The following CEP57 variants were observed in gnomAD, a reference collection of about 807,000 sequenced individuals.
CEP57 encodes the protein centrosomal protein 57, also known as centrosomal protein of 57 kDa.
A neutral mutation model predicts 68.0 loss-of-function variants in CEP57; 40 were observed. The observed-to-expected ratio is 0.59, with a 90% CI of 0.46 to 0.77. CEP57 has a LOEUF of 0.77. Ranked by LOEUF, CEP57 falls within the 30% of genes least tolerant of loss-of-function variation. CEP57 has a pLI of 0.00. For synonymous variants in CEP57, 219 were observed against 198.7 expected, an observed-to-expected ratio of 1.10 and a Z score of -0.86; for missense variants, 606 against 580.7, an observed-to-expected ratio of 1.04 and a Z score of -0.45.
chr11:95,828,292 A>G (rs546875423), intron 9 of CEP57, among the ~76,000 whole-genome samples: 41 of 152,336 alleles, frequency 2.7e-4, no homozygotes, highest in African/African-American at 9.1e-4. Flanking sequence ...ACAGTCATGC[A>G]TCACTGAATG....
chr11:95,795,552 G>A (rs557890056), intron 1 of CEP57: 3 of 541,330 alleles, frequency 5.5e-6, no homozygotes, highest in African/African-American at 2.0e-5. Flanking sequence ...ATGTTGACCA[G>A]AATTGATGTA....
chr11:95,813,199 G>A (rs1591066353), intron 3 of CEP57, 88 bp downstream of exon 3: 1 of 1,334,430 alleles, frequency 7.5e-7, no homozygotes, highest in South Asian at 1.3e-5. Context: ...TTAGTGTTTT[G>A]TAGCGGTATC....
Position 95,792,942 on chromosome 11 carries a change from A to G in CEP57, c.45+2199A>G, listed in dbSNP as rs183582284. Among the ~76,000 whole-genome samples the G allele has an allele frequency of 2.0e-4, 30 of 152,178 alleles. 1 individual carries two copies. Among genetic ancestry groups the G allele is most frequent in the Admixed American group, 2.0e-3 (30 of 15,292 alleles). ...ACATTTAAAAAAAAAAAAACTTGTTAAAACTATACCATGAACTGAGAACAC... is the reference window on the plus strand; with the variant it reads ...ACATTTAAAAAAAAAAAAACTTGTTGAAACTATACCATGAACTGAGAACAC... On this transcript the variant is annotated intron_variant, in intron 1 of 10. Transcript: ENST00000325542.
Position 95,799,255 on chromosome 11 carries a change from G to T in CEP57, c.69G>T (p.Arg23Ser). ...HLSNSFAEPS[R>S]SNGSMVRHSS... ...AGAACAGCTTTGCTGAGCCATCAAGGTCTAATGGAAGCATGGTTCGGCATT... is the reference window on the plus strand; with the variant it reads ...AGAACAGCTTTGCTGAGCCATCAAGTTCTAATGGAAGCATGGTTCGGCATT... Residue 23 changes from arginine (R) to serine (S), a missense_variant, in exon 2 of 11, where the codon AGG (arginine) becomes AGT (serine). Physicochemically the swap from Arg to Ser is moderately radical, Grantham distance 110. Coordinates refer to ENST00000325542, the MANE Select transcript of CEP57 (RefSeq NM_014679.5). 9 of 1,614,070 alleles carry T rather than the reference G, an allele frequency of 5.6e-6. No homozygotes were observed. The East Asian group carries it at 6.7e-5, about 12-fold the overall frequency.
chr11:95,831,255 G>T lies in CEP57; in HGVS notation c.1502G>T (p.Ter501LeuextTer11). ...AGCAGTAGTTTGTGTTGGGATTACT[G>T]ACTCATAACCAGGTCAGAAATTTTA... ...LQSSSLCWDY[*>L] Residue 501 changes from the stop codon to leucine, a stop_lost, in exon 11 of 11, where the codon TGA (stop) becomes TTA (leucine). Coordinates refer to ENST00000325542, the MANE Select transcript of CEP57 (RefSeq NM_014679.5). 2 of 1,605,802 alleles carry T rather than the reference G, an allele frequency of 1.2e-6. No homozygotes were observed. Among genetic ancestry groups the T allele is most frequent in the South Asian group, 2.2e-5 (2 of 90,744 alleles).
chr11:95,802,098 A>G (rs1861604248), intron 2 of CEP57, among the ~76,000 whole-genome samples: 1 of 152,116 alleles, frequency 6.6e-6, no homozygotes, highest in African/African-American at 2.4e-5. Flanking sequence ...TTTGTTGGGG[A>G]TAGGGATAAG....
chr11:95,806,134 A>G (rs534026690), intron 2 of CEP57, among the ~76,000 whole-genome samples: 1 of 152,222 alleles, frequency 6.6e-6, no homozygotes, highest in Non-Finnish European at 1.5e-5. Flanking sequence ...AGTTCAAAAG[A>G]ACCATCCTGT....
At chr11:95,800,384 T>C (rs76664320) in intron 2 of CEP57, among the ~76,000 whole-genome samples, 1 of 136,394 alleles carries the variant, frequency 7.3e-6, no homozygotes, top group African/African-American at 3.3e-5. Context: ...CTCATGTTTC[T>C]TTTTTTTTTT....
At chr11:95,822,637 C>A in intron 8 of CEP57, 61 bp downstream of exon 8, 1 of 1,240,690 alleles carries the variant, frequency 8.1e-7, no homozygotes, top group Non-Finnish European at 1.2e-6. Context: ...TAAGTCCCTG[C>A]ATCTGCAAGT....
intron 6 of CEP57, among the ~76,000 whole-genome samples, chr11:95,820,839 TA>T (rs1862492218): frequency 6.6e-6 from 1 of 152,180 alleles, no homozygotes; most frequent in South Asian, 2.1e-4. Flanking sequence ...CAATTTACTA[TA>T]TATAAAGCAA....
intron 10 of CEP57, 49 bp downstream of exon 10, chr11:95,829,380 AAC>A (rs1565335583): frequency 6.4e-7 from 1 of 1,564,276 alleles, no homozygotes. Context: ...AGAAAAAAAA[AAC>A]ACTTTAATTC....
At position 95,796,700 on chromosome 11, in the gene CEP57, T is replaced by G. The variant is rs182430040; in HGVS notation, c.46-2532T>G. ...TTTAATTCTGACACTGCCCAGATGT[T>G]GCTCAGACCCCCATACATTAAGGGG... On this transcript the variant is annotated intron_variant, in intron 1 of 10. Coordinates refer to ENST00000325542, the MANE Select transcript of CEP57 (RefSeq NM_014679.5). Among the ~76,000 whole-genome samples the G allele has an allele frequency of 2.9e-3, 440 of 152,300 alleles. 4 individuals carry two copies. The highest frequency in any genetic ancestry group is 0.01 in the African/African-American group (422 of 41,556).
chr11:95,802,054 T>TAAGAA (rs1861602348), intron 2 of CEP57, among the ~76,000 whole-genome samples: 1 of 151,980 alleles, frequency 6.6e-6, no homozygotes, highest in South Asian at 2.1e-4. Context: ...GGCTGTGAGA[T>TAAGAA]ATGAACAAAG....
intron 1 of CEP57, among the ~76,000 whole-genome samples, chr11:95,792,571 A>G (rs1361370555): frequency 6.6e-6 from 1 of 152,244 alleles, no homozygotes; most frequent in African/African-American, 2.4e-5. Flanking sequence ...TCAGCTGTTA[A>G]TACTTATACG....
At chr11:95,793,106 A>G (rs903610990) in intron 1 of CEP57, among the ~76,000 whole-genome samples, 3 of 152,222 alleles carry the variant, frequency 2.0e-5, no homozygotes, top group Non-Finnish European at 2.9e-5. Flanking sequence ...AAGTAGATTC[A>G]TAAATAACCG....
intron 2 of CEP57, among the ~76,000 whole-genome samples, chr11:95,806,832 G>C (rs1339573046): frequency 2.6e-5 from 4 of 152,244 alleles, no homozygotes; most frequent in Admixed American, 6.5e-5. Flanking sequence ...AACTTCTGCA[G>C]ACTTAAACAT....
rs1054418279 is a variant in CEP57, at chr11:95,790,893, C to T, written c.45+150C>T. On this transcript the variant is annotated intron_variant, in intron 1 of 10. Transcript: ENST00000325542. ...GATTGCCCCGCGCTCCCCAAGCTTC[C>T]ATTCACTGTGGCTGTGTCGAAGCTG... is the stretch of plus-strand genomic sequence containing the variant. The T allele has an allele frequency of 8.5e-6, 8 of 945,884 alleles. No homozygotes were observed. In the African/African-American group the frequency reaches 1.1e-4, roughly 13 times the overall value. The allele number at this position is 945,884 out of a possible 1,614,324, so 58.6% of individuals were successfully genotyped here.
intron 2 of CEP57, among the ~76,000 whole-genome samples, chr11:95,802,474 C>G (rs967051870): frequency 6.6e-6 from 1 of 151,884 alleles, no homozygotes; most frequent in Non-Finnish European, 1.5e-5. Context: ...AGGATGGTCT[C>G]GATCTCTTGA....
chr11:95,826,737 A>T (rs935646749), intron 8 of CEP57: 8 of 152,200 alleles, frequency 5.3e-5, no homozygotes, highest in African/African-American at 1.9e-4. Flanking sequence ...ATTATTGCAT[A>T]TTGAAAGTGT....
Sources: gnomAD v4.1 joint callset for allele counts (sites outside exome capture counted in the v4.1 genomes callset) on GRCh38, gnomAD v4.1.1 for gene constraint, MANE v1.5 for transcripts, NCBI Gene and HGNC (gene_info 2026-07-23, HGNC 2026-07-21) for gene names.